The following CMIP variants were observed in gnomAD, a reference collection of about 807,000 sequenced individuals.
The protein encoded by CMIP is C-Maf-inducing protein.
Under a neutral mutation model 97.3 loss-of-function variants are expected in CMIP, and 13 were observed. That is an observed-to-expected ratio of 0.13 (90% CI 0.09 to 0.21). CMIP has a LOEUF of 0.21. CMIP is among the 10% of genes least tolerant of loss of function. The probability of loss-of-function intolerance (pLI) is 1.00; values close to 1 mark genes in which losing one functional copy is unlikely to be tolerated. For synonymous variants in CMIP, 538 were observed against 436.3 expected, an observed-to-expected ratio of 1.23 and a Z score of -2.91; for missense variants, 847 against 1,024.9, an observed-to-expected ratio of 0.83 and a Z score of 2.37.
At chr16:81,502,567 G>A (rs373155064) in intron 1 of CMIP, among the ~76,000 whole-genome samples, 2 of 152,170 alleles carry the variant, frequency 1.3e-5, no homozygotes, top group Admixed American at 6.5e-5. Context: ...GCATTTGGGC[G>A]TCATGCTGAT....
At position 81,632,254 on chromosome 16, in the gene CMIP, G is replaced by A. The variant is rs143621838; in HGVS notation, c.477+11328G>A. Among the ~76,000 whole-genome samples the A allele has an allele frequency of 1.7e-3, 260 of 152,274 alleles. 1 individual carries two copies. Among genetic ancestry groups the A allele is most frequent in the African/African-American group, 5.8e-3 (241 of 41,540 alleles). ...ATAAAATGCACGTACATAGGTGGTA[G>A]TCCTAAAAAGTATAGAAAGGTATAA... On this transcript the variant is annotated intron_variant, in intron 3 of 20. Transcript: ENST00000537098.
At chr16:81,583,895 C>T (rs896100272) in intron 1 of CMIP, among the ~76,000 whole-genome samples, 1 of 151,924 alleles carries the variant, frequency 6.6e-6, no homozygotes, top group Non-Finnish European at 1.5e-5. Context: ...AAAACTCTGG[C>T]GACAGTGTTT....
intron 3 of CMIP, among the ~76,000 whole-genome samples, chr16:81,636,069 T>TG (rs2092230827): frequency 1.3e-5 from 2 of 151,784 alleles, no homozygotes; most frequent in Non-Finnish European, 2.9e-5. Flanking sequence ...ATTGGGCTGG[T>TG]TGTGTGTTTG....
Position 81,450,181 on chromosome 16 carries a change from A to G in CMIP, c.300+4640A>G, listed in dbSNP as rs534035274. Among the ~76,000 whole-genome samples, 3 of 152,354 alleles carry G rather than the reference A, an allele frequency of 2.0e-5. No individual in the cohort carries two copies. The East Asian group carries it at 5.8e-4, about 29-fold the overall frequency. On this transcript the variant is annotated intron_variant, in intron 1 of 20. Transcript: ENST00000537098. ...CAGGGTACCTCAACTGCTGCCAGCC[A>G]GGACTGACTCGTCTTGAAGGTACCC...
intron 1 of CMIP, among the ~76,000 whole-genome samples, chr16:81,532,716 C>G (rs2090263260): frequency 1.3e-5 from 2 of 152,330 alleles, no homozygotes; most frequent in Non-Finnish European, 2.9e-5. Context: ...GGTGTGACAT[C>G]AGAGTGTTGG....
intron 1 of CMIP, among the ~76,000 whole-genome samples, chr16:81,549,767 AG>A (rs1275828718): frequency 6.6e-6 from 1 of 152,236 alleles, no homozygotes; most frequent in East Asian, 1.9e-4. Flanking sequence ...AGCAGGGCAC[AG>A]GGTGCTGGCT....
chr16:81,611,794 A>G (rs180811543), intron 2 of CMIP, among the ~76,000 whole-genome samples: 2 of 152,292 alleles, frequency 1.3e-5, no homozygotes, highest in Admixed American at 6.5e-5. Flanking sequence ...ATTTGAATCA[A>G]TGCCTCTTGC....
At chr16:81,452,326 A>C (rs1906268001) in intron 1 of CMIP, among the ~76,000 whole-genome samples, 1 of 152,082 alleles carries the variant, frequency 6.6e-6, no homozygotes, top group South Asian at 2.1e-4. Flanking sequence ...GGATCAGAGA[A>C]ACTTCCTCTT....
At chr16:81,514,495 G>A (rs1159540013) in intron 1 of CMIP, among the ~76,000 whole-genome samples, 3 of 152,302 alleles carry the variant, frequency 2.0e-5, no homozygotes, top group Non-Finnish European at 4.4e-5. Context: ...AGTGGTTTGC[G>A]CTCACTGAGC....
chr16:81,645,712 G>C lies in CMIP; in HGVS notation c.478-6491G>C. Reference sequence around the variant, plus strand: ...CTGTCTCTGCTTGCCGCTGGCTGGTGGGGCTTGGGCTCGGATGTGGGGAGC... The same window carrying C: ...CTGTCTCTGCTTGCCGCTGGCTGGTCGGGCTTGGGCTCGGATGTGGGGAGC... On this transcript the variant is annotated intron_variant, in intron 3 of 20. Transcript: ENST00000537098. The C allele has an allele frequency of 2.3e-6, 3 of 1,298,400 alleles. No individual in the cohort carries two copies. In the Admixed American group the frequency reaches 5.9e-5, roughly 26 times the overall value. 80.4% of individuals were successfully genotyped at this position (1,298,400 alleles called of 1,614,324 possible). A position where few individuals can be genotyped will look rare whatever the true frequency, so the allele number is the denominator to read the frequency against.
At chr16:81,583,088 G>A (rs1194635734) in intron 1 of CMIP, among the ~76,000 whole-genome samples, 1 of 152,244 alleles carries the variant, frequency 6.6e-6, no homozygotes, top group Non-Finnish European at 1.5e-5. Context: ...AAGGGCCTTG[G>A]CACTCAGAGG....
At chr16:81,471,331 CAT>C (rs1376645631) in intron 1 of CMIP, among the ~76,000 whole-genome samples, 6 of 152,294 alleles carry the variant, frequency 3.9e-5, no homozygotes, top group South Asian at 2.1e-4. Flanking sequence ...CATATGCACA[CAT>C]AAATATGTAT....
intron 2 of CMIP, chr16:81,617,362 G>A (rs1191125151): frequency 6.6e-6 from 1 of 152,234 alleles, no homozygotes; most frequent in African/African-American, 2.4e-5. Flanking sequence ...GAAGGTGCAG[G>A]GCAGGACCCA....
At chr16:81,457,587 G>A (rs1468269231) in intron 1 of CMIP, among the ~76,000 whole-genome samples, 4 of 152,228 alleles carry the variant, frequency 2.6e-5, no homozygotes, top group African/African-American at 9.6e-5. Flanking sequence ...GTAACAAGCA[G>A]GCTCTGCCAC....
intron 2 of CMIP, among the ~76,000 whole-genome samples, chr16:81,613,335 A>G (rs1250949909): frequency 4.6e-5 from 7 of 151,846 alleles, no homozygotes; most frequent in African/African-American, 7.3e-5. Flanking sequence ...GCTCAGATGC[A>G]TTGCTTCATG....
rs537668711 is a variant in CMIP at position 81,539,220 on chromosome 16, G to A, written c.301-68347G>A. 2.0e-5 allele frequency among the ~76,000 whole-genome samples: 3 copies of A among 152,314 alleles called. No individual in the cohort carries two copies. The South Asian group carries it at 6.2e-4, about 32-fold the overall frequency. ...CTTGCAGCAGGGATTTTCCAGGCCG[G>A]CATCTCAATTGCACAGAAAAACATT... On this transcript the variant is annotated intron_variant, in intron 1 of 20. Transcript: ENST00000537098.
At chr16:81,607,788 A>G in intron 2 of CMIP, 96 bp downstream of exon 2, 4 of 1,351,060 alleles carry the variant, frequency 3.0e-6, no homozygotes, top group Non-Finnish European at 4.1e-6. Flanking sequence ...AGCTATCAAG[A>G]GGAAAGGTTG....
intron 3 of CMIP, among the ~76,000 whole-genome samples, chr16:81,641,250 C>G (rs570166470): frequency 2.0e-4 from 30 of 152,226 alleles, no homozygotes; most frequent in Non-Finnish European, 3.8e-4. Context: ...GCATGTTAGC[C>G]TTCAGTGCCA....
At chr16:81,529,943 C>T (rs1220591269) in intron 1 of CMIP, among the ~76,000 whole-genome samples, 1 of 152,160 alleles carries the variant, frequency 6.6e-6, no homozygotes, top group Non-Finnish European at 1.5e-5. Context: ...ATTTGAGCAG[C>T]CATAGGAACC....
Sources: allele counts gnomAD v4.1 joint callset (sites outside exome capture counted in the v4.1 genomes callset), GRCh38; gene constraint gnomAD v4.1.1; transcripts MANE v1.5; gene names NCBI Gene and HGNC (gene_info 2026-07-23, HGNC 2026-07-21).